RAPGEF4: variants seen among roughly 807,000 people sequenced by gnomAD.
RAPGEF4 encodes Rap guanine nucleotide exchange factor 4.
RAPGEF4 carries 66 observed loss-of-function variants against 147.9 expected under a neutral mutation model. The observed-to-expected ratio is 0.45, with a 90% CI of 0.37 to 0.55. The LOEUF (loss-of-function observed/expected upper bound fraction) is 0.55. Ranked by LOEUF, RAPGEF4 falls within the 20% of genes least tolerant of loss-of-function variation. RAPGEF4 has a pLI of 0.00. For synonymous variants in RAPGEF4, 419 were observed against 442.7 expected, an observed-to-expected ratio of 0.95 and a Z score of 0.67; for missense variants, 1,071 against 1,257.3, an observed-to-expected ratio of 0.85 and a Z score of 2.24.
chr2:172,812,505 G>A (rs1863168), intron 3 of RAPGEF4, among the ~76,000 whole-genome samples: 12,221 of 152,216 alleles, frequency 0.08, 645 homozygotes, highest in East Asian at 0.23. Flanking sequence ...ACAGGCTCAC[G>A]TGTGTCTCCC....
chr2:172,809,294 A>G (rs1229782339), intron 3 of RAPGEF4, among the ~76,000 whole-genome samples: 1 of 152,090 alleles, frequency 6.6e-6, no homozygotes, highest in Non-Finnish European at 1.5e-5. Context: ...AGTGGTGGAG[A>G]TGGGCAGTGG....
intron 10 of RAPGEF4, among the ~76,000 whole-genome samples, chr2:172,980,868 C>T (rs6707359): frequency 0.073 from 11,066 of 152,130 alleles, 594 homozygotes; most frequent in South Asian, 0.16. Flanking sequence ...CCAGGCTGGT[C>T]TCAAACTGAC....
chr2:172,965,300 G>C (rs1168656350), intron 8 of RAPGEF4: 13 of 443,878 alleles, frequency 2.9e-5, no homozygotes, highest in Non-Finnish European at 4.8e-5. Flanking sequence ...GCGGCCCCCT[G>C]GTCTCCCCTG....
chr2:172,825,323 C>A lies in RAPGEF4; in HGVS notation c.444+10898C>A, dbSNP rs551581629. Among the ~76,000 whole-genome samples, 11 of 152,216 alleles carry A rather than the reference C, an allele frequency of 7.2e-5. No individual in the cohort carries two copies. In the East Asian group the frequency reaches 1.9e-3, roughly 27 times the overall value. ...TGAATACTGTACTAAAAGTGAAAAC[C>A]AGAATGGTTGTATGGCTACTTGAAG... On this transcript the variant is annotated intron_variant, in intron 4 of 30. Transcript: ENST00000397081.
At chr2:172,885,368 T>A (rs1697083861) in intron 4 of RAPGEF4, among the ~76,000 whole-genome samples, 1 of 152,190 alleles carries the variant, frequency 6.6e-6, no homozygotes, top group Admixed American at 6.5e-5. Context: ...GGTCTCTGGG[T>A]CTGTCTGGGG....
intron 6 of RAPGEF4, among the ~76,000 whole-genome samples, chr2:172,929,637 C>T (rs189306987): frequency 3.3e-4 from 50 of 152,138 alleles, no homozygotes; most frequent in Non-Finnish European, 5.7e-4. Flanking sequence ...TCAGAAACAC[C>T]CCTGGAATAT....
At chr2:173,050,442 A>ACACTCCCCTT (rs1686048787) in intron 30 of RAPGEF4, among the ~76,000 whole-genome samples, 1 of 152,156 alleles carries the variant, frequency 6.6e-6, no homozygotes, top group South Asian at 2.1e-4. Flanking sequence ...CAGACCTGCA[A>ACACTCCCCTT]CACTCCCCTT....
intron 1 of RAPGEF4, among the ~76,000 whole-genome samples, chr2:172,772,552 C>T (rs1025341727): frequency 2.6e-5 from 4 of 152,068 alleles, no homozygotes; most frequent in African/African-American, 9.7e-5. Context: ...CCACGTTGGC[C>T]AGGCTGGTCT....
intron 14 of RAPGEF4, 70 bp downstream of exon 14, chr2:172,988,909 A>G (rs1692545421): frequency 1.3e-6 from 2 of 1,512,856 alleles, no homozygotes; most frequent in Non-Finnish European, 1.8e-6. Context: ...CAAAGCTTTG[A>G]GCATAGTCTT....
chr2:172,959,235 CT>C (rs1442882291), intron 6 of RAPGEF4, among the ~76,000 whole-genome samples: 1 of 152,232 alleles, frequency 6.6e-6, no homozygotes, highest in African/African-American at 2.4e-5. Context: ...CTGCGTTCAT[CT>C]GGAAGTTCTA....
intron 1 of RAPGEF4, among the ~76,000 whole-genome samples, chr2:172,738,415 C>T (rs1470109663): frequency 6.6e-6 from 1 of 152,068 alleles, no homozygotes; most frequent in Non-Finnish European, 1.5e-5. Flanking sequence ...ATAGTAAGTG[C>T]TTTAATGGAG....
intron 1 of RAPGEF4, among the ~76,000 whole-genome samples, chr2:172,767,727 T>C (rs1215713156): frequency 1.3e-5 from 2 of 152,256 alleles, no homozygotes; most frequent in African/African-American, 2.4e-5. Flanking sequence ...CCTTTGTGTG[T>C]ACCTCCAAAT....
intron 4 of RAPGEF4, among the ~76,000 whole-genome samples, chr2:172,899,852 AC>A (rs1266451656): frequency 2.6e-5 from 4 of 152,138 alleles, no homozygotes; most frequent in African/African-American, 9.7e-5. Context: ...CAGGCTGTGG[AC>A]CGCATGTAGG....
Position 173,014,477 on chromosome 2 carries a change from C to T in RAPGEF4, c.1672C>T (p.Pro558Ser), listed in dbSNP as rs751881578. ...ACTCCTCGGCACCTACCACGCACAG[C>T]CTTCACAAGGTACAGAACAGGAGAA... ...PALVAHYHAQ[P>S]SQGTEQEKMD... The change falls in exon 18 of 31, where the codon CCT becomes TCT. Residue 558 changes from proline to serine, a missense_variant. Transcript: ENST00000397081. 1.2e-6 allele frequency: 2 copies of T among 1,613,814 alleles called. No homozygotes were observed. The highest frequency in any genetic ancestry group is 1.1e-5 in the South Asian group (1 of 91,016).
intron 1 of RAPGEF4, among the ~76,000 whole-genome samples, chr2:172,778,302 T>C (rs1451919216): frequency 6.6e-6 from 1 of 152,202 alleles, no homozygotes. Context: ...GCCTCCTGCA[T>C]GAGTTCTAGT....
chr2:173,023,123 A>G (rs1696271652), intron 23 of RAPGEF4, among the ~76,000 whole-genome samples: 1 of 151,438 alleles, frequency 6.6e-6, no homozygotes, highest in Admixed American at 6.6e-5. Context: ...AGCTAGACAC[A>G]GAGGGTGTGG....
intron 25 of RAPGEF4, among the ~76,000 whole-genome samples, chr2:173,029,462 T>C (rs1039409350): frequency 1.3e-5 from 2 of 152,220 alleles, no homozygotes; most frequent in Admixed American, 6.5e-5. Flanking sequence ...ACCATTCTAA[T>C]AAGAATTTCT....
intron 6 of RAPGEF4, among the ~76,000 whole-genome samples, chr2:172,957,996 T>C (rs950405411): frequency 2.6e-5 from 4 of 152,224 alleles, no homozygotes; most frequent in Non-Finnish European, 4.4e-5. Context: ...AATATAGCCA[T>C]TGCTTTAGAA....
At chr2:172,887,041 G>T (rs1021560704) in intron 4 of RAPGEF4, among the ~76,000 whole-genome samples, 3 of 152,014 alleles carry the variant, frequency 2.0e-5, no homozygotes, top group Non-Finnish European at 4.4e-5. Flanking sequence ...TACAAAATTA[G>T]CTGGGTGTGG....
Sources: gnomAD v4.1 joint callset for allele counts (sites outside exome capture counted in the v4.1 genomes callset) on GRCh38, gnomAD v4.1.1 for gene constraint, MANE v1.5 for transcripts, NCBI Gene and HGNC (gene_info 2026-07-23, HGNC 2026-07-21) for gene names.